STRBP: variants seen among roughly 807,000 people sequenced by gnomAD.
STRBP encodes the protein spermatid perinuclear RNA-binding protein.
Under a neutral mutation model 80.1 loss-of-function variants are expected in STRBP, and 13 were observed. That is an observed-to-expected ratio of 0.16 (90% CI 0.11 to 0.26). The LOEUF (loss-of-function observed/expected upper bound fraction) is 0.26, where lower values mean the gene tolerates loss of function less well. Ranked by LOEUF, STRBP falls within the 10% of genes least tolerant of loss-of-function variation. STRBP has a pLI of 1.00. For synonymous variants in STRBP, 284 were observed against 291.2 expected (o/e 0.98, Z 0.25); for missense variants, 485 against 815.2 (o/e 0.59, Z 4.93).
chr9:123,197,980 T>G lies in STRBP; in HGVS notation c.-164-13682A>C, dbSNP rs149366057. Among the ~76,000 whole-genome samples the G allele has an allele frequency of 1.8e-4, 27 of 152,028 alleles. No individual in the cohort carries two copies. The East Asian group carries it at 3.7e-3, about 21-fold the overall frequency. On this transcript the variant is annotated intron_variant, in intron 2 of 18. Coordinates refer to ENST00000348403, the MANE Select transcript of STRBP (RefSeq NM_018387.5). ...TGAGCCACGGAGCCTGGCTCTGTCT[T>G]TTTAATAATGACCATTCTTTCAGGA...
chr9:123,243,014 A>G (rs2040726617), intron 1 of STRBP, among the ~76,000 whole-genome samples: 1 of 152,186 alleles, frequency 6.6e-6, no homozygotes, highest in South Asian at 2.1e-4. Flanking sequence ...GAAAAGCTAA[A>G]ACAATTTTTA....
At chr9:123,150,286 C>T (rs895062866) in intron 11 of STRBP, among the ~76,000 whole-genome samples, 3 of 152,076 alleles carry the variant, frequency 2.0e-5, no homozygotes, top group African/African-American at 7.2e-5. Context: ...TATCAAGGGC[C>T]CACTTCCAGT....
intron 2 of STRBP, among the ~76,000 whole-genome samples, chr9:123,210,293 T>C (rs2039662333): frequency 6.6e-6 from 1 of 151,952 alleles, no homozygotes; most frequent in East Asian, 1.9e-4. Flanking sequence ...TCAAGAACTT[T>C]TGGTCATCAA....
chr9:123,206,371 A>G (rs1213078118), intron 2 of STRBP, among the ~76,000 whole-genome samples: 1 of 152,214 alleles, frequency 6.6e-6, no homozygotes, highest in Non-Finnish European at 1.5e-5. Flanking sequence ...GAGTGTAATA[A>G]TGGCATTATG....
At chr9:123,246,252 T>C (rs888879613) in intron 1 of STRBP, among the ~76,000 whole-genome samples, 3 of 152,228 alleles carry the variant, frequency 2.0e-5, no homozygotes, top group African/African-American at 4.8e-5. Context: ...TCCAACTGCA[T>C]GTGAAAAGGC....
chr9:123,224,902 C>T (rs1456087364), intron 2 of STRBP, among the ~76,000 whole-genome samples: 1 of 152,102 alleles, frequency 6.6e-6, no homozygotes, highest in Non-Finnish European at 1.5e-5. Flanking sequence ...AACCAGAGGA[C>T]GTGCAAATAT....
intron 6 of STRBP, among the ~76,000 whole-genome samples, chr9:123,161,846 C>T (rs2132400753): frequency 6.6e-6 from 1 of 152,320 alleles, no homozygotes; most frequent in South Asian, 2.1e-4. Context: ...GAGAAGATGT[C>T]ACATGACACT....
chr9:123,182,131 C>A (rs1489180478), intron 3 of STRBP, among the ~76,000 whole-genome samples: 1 of 144,136 alleles, frequency 6.9e-6, no homozygotes, highest in Non-Finnish European at 1.5e-5. Flanking sequence ...AGAAGAATTA[C>A]TTGAACCCGG....
In STRBP at chr9:123,115,323, C is replaced by T; in HGVS notation, c.*84+606G>A. 1 of 471,156 alleles carries T rather than the reference C, an allele frequency of 2.1e-6. No homozygotes were observed. Among genetic ancestry groups the T allele is most frequent in the South Asian group, 1.5e-5 (1 of 64,566 alleles). 29.2% of individuals were successfully genotyped at this position (471,156 alleles called of 1,614,324 possible). A position where few individuals can be genotyped will look rare whatever the true frequency, so the allele number is the denominator to read the frequency against. On this transcript the variant is annotated intron_variant and NMD_transcript_variant, in intron 3 of 3. Transcript: ENST00000471564. This position sits in a 1 kb window ranked among gnomAD's most constrained non-coding sequence, Gnocchi z 5.0. ...TAAGCACTTCTCTCCTGAGGCCTGGCTCCTCTCCTGCCCTCGGCGGGAGAC... is the reference window on the plus strand; with the variant it reads ...TAAGCACTTCTCTCCTGAGGCCTGGTTCCTCTCCTGCCCTCGGCGGGAGAC...
chr9:123,117,757 A>G (rs2035668996), downstream of STRBP, among the ~76,000 whole-genome samples: 2 of 152,244 alleles, frequency 1.3e-5, no homozygotes, highest in South Asian at 4.1e-4. Flanking sequence ...AGTCTGGCTT[A>G]AATTGTTGAA....
chr9:123,162,635 G>A (rs2037570086), intron 6 of STRBP, among the ~76,000 whole-genome samples: 2 of 151,888 alleles, frequency 1.3e-5, no homozygotes. Context: ...AAAGGCTGAA[G>A]TGCTACACAC....
chr9:123,209,169 C>T (rs998660064), intron 2 of STRBP, among the ~76,000 whole-genome samples: 3 of 152,164 alleles, frequency 2.0e-5, no homozygotes, highest in African/African-American at 7.2e-5. Flanking sequence ...GAACTAGTTA[C>T]CCATAATACT....
intron 2 of STRBP, among the ~76,000 whole-genome samples, chr9:123,234,736 G>A (rs1363593209): frequency 6.6e-6 from 1 of 152,134 alleles, no homozygotes; most frequent in East Asian, 1.9e-4. Context: ...GAGGGAAGCA[G>A]ATCACTTGAG....
chr9:123,215,452 A>G (rs1374949417), intron 2 of STRBP, among the ~76,000 whole-genome samples: 2 of 152,214 alleles, frequency 1.3e-5, no homozygotes, highest in East Asian at 3.8e-4. Flanking sequence ...AGCCATGCCA[A>G]TCTCATTTAC....
chr9:123,177,538 G>A (rs147859143), intron 4 of STRBP, among the ~76,000 whole-genome samples: 5 of 151,956 alleles, frequency 3.3e-5, no homozygotes, highest in Non-Finnish European at 5.9e-5. Context: ...ACACTACTAC[G>A]CTCCAGCCTG....
At chr9:123,238,891 G>A (rs1319594651) in intron 1 of STRBP, among the ~76,000 whole-genome samples, 1 of 152,136 alleles carries the variant, frequency 6.6e-6, no homozygotes, top group African/African-American at 2.4e-5. Flanking sequence ...TTCCACGTTA[G>A]AATGCCATCT....
At position 123,115,186 on chromosome 9, in the gene STRBP, C is replaced by T. The variant is rs938113156; in HGVS notation, c.*84+743G>A. 12 of 470,902 alleles carry T rather than the reference C, an allele frequency of 2.5e-5. No individual in the cohort carries two copies. Among genetic ancestry groups the T allele is most frequent in the African/African-American group, 8.0e-5 (4 of 50,094 alleles). 29.2% of individuals were successfully genotyped at this position (470,902 alleles called of 1,614,324 possible). ...TCCCACAGCAAGGCCCTTCACACTCCCCAAGTGGGCACACTCTCTCTGTGC... is the reference window on the plus strand; with the variant it reads ...TCCCACAGCAAGGCCCTTCACACTCTCCAAGTGGGCACACTCTCTCTGTGC... On this transcript the variant is annotated intron_variant and NMD_transcript_variant, in intron 3 of 3. Transcript: ENST00000471564. This position sits in a 1 kb window ranked among gnomAD's most constrained non-coding sequence, Gnocchi z 5.0.
intron 2 of STRBP, among the ~76,000 whole-genome samples, chr9:123,227,913 T>C (rs1418686334): frequency 6.6e-6 from 1 of 152,142 alleles, no homozygotes; most frequent in South Asian, 2.1e-4. Context: ...GCTAGACTGT[T>C]GGAGGTAAAC....
chr9:123,168,098 T>C (rs2037847562), intron 6 of STRBP: 2 of 479,984 alleles, frequency 4.2e-6, no homozygotes, highest in Non-Finnish European at 2.7e-6. Flanking sequence ...CATCTCCTTA[T>C]ACTCAAATAA....
Sources: gnomAD v4.1 joint callset for allele counts (sites outside exome capture counted in the v4.1 genomes callset) on GRCh38, gnomAD v4.1.1 for gene constraint, Gnocchi (gnomAD v3.1) non-coding constraint, MANE v1.5 for transcripts, NCBI Gene and HGNC (gene_info 2026-07-23, HGNC 2026-07-21) for gene names.